Variants in PCDHA1 observed in about 807,000 individuals in gnomAD.
The protein encoded by PCDHA1 is protocadherin alpha-1.
A neutral mutation model predicts 61.3 loss-of-function variants in PCDHA1; 42 were observed. That is an observed-to-expected ratio of 0.69 (90% CI 0.54 to 0.89). The LOEUF (loss-of-function observed/expected upper bound fraction) is 0.89, where lower values mean the gene tolerates loss of function less well. Ranked by LOEUF, PCDHA1 falls within the 40% of genes least tolerant of loss-of-function variation. The probability of loss-of-function intolerance (pLI) is 0.00; values close to 1 mark genes in which losing one functional copy is unlikely to be tolerated. For synonymous variants in PCDHA1, 610 were observed against 553.8 expected (o/e 1.10, Z -1.43); for missense variants, 1,256 against 1,235.3 (o/e 1.02, Z -0.25).
At chr5:140,968,639 GC>G in intron 1 of PCDHA1, 1 of 1,614,150 alleles carries the variant, frequency 6.2e-7, no homozygotes, top group Non-Finnish European at 8.5e-7. Context: ...TTACCATCTA[GC>G]CCAGACTTCT....
intron 1 of PCDHA1, chr5:140,861,513 T>C: frequency 2.1e-6 from 1 of 470,750 alleles, no homozygotes; most frequent in East Asian, 6.2e-5. Flanking sequence ...CGAGGAGCTG[T>C]GTGGGAGGAT....
At chr5:140,905,292 G>T (rs1394409672) in intron 1 of PCDHA1, among the ~76,000 whole-genome samples, 1 of 152,114 alleles carries the variant, frequency 6.6e-6, no homozygotes, top group African/African-American at 2.4e-5. Flanking sequence ...CTTGAATAAG[G>T]TGTCCTTTCC....
chr5:140,892,779 A>G (rs1490865049), intron 1 of PCDHA1, among the ~76,000 whole-genome samples: 1 of 152,192 alleles, frequency 6.6e-6, no homozygotes, highest in Non-Finnish European at 1.5e-5. Flanking sequence ...TAGCTTCTTG[A>G]AAATATGTAA....
chr5:140,892,580 A>G (rs1462175198), intron 1 of PCDHA1, among the ~76,000 whole-genome samples: 1 of 152,198 alleles, frequency 6.6e-6, no homozygotes, highest in African/African-American at 2.4e-5. Context: ...AGTATATCTC[A>G]GTATTCATTC....
intron 1 of PCDHA1, among the ~76,000 whole-genome samples, chr5:140,840,430 A>T (rs1776694200): frequency 6.6e-6 from 1 of 151,990 alleles, no homozygotes; most frequent in Admixed American, 6.6e-5. Flanking sequence ...GCTAGTTTAA[A>T]GCCGTGGAAA....
In PCDHA1 at chr5:141,009,668, G is replaced by A. The variant is rs782068657; in HGVS notation, c.2584G>A (p.Val862Ile). The change falls in exon 4 of 4, where the codon GTC becomes ATC. Residue 862 changes from valine (V) to isoleucine (I), a missense_variant. Transcript: ENST00000504120. ...AGTGTCCCCTCCAGTCGGTGCGGGTGTCAACAGCAACAGCTGGACCTTTAA... is the reference window on the plus strand; with the variant it reads ...AGTGTCCCCTCCAGTCGGTGCGGGTATCAACAGCAACAGCTGGACCTTTAA... ...GEVSPPVGAG[V>I]NSNSWTFKYG... The A allele has an allele frequency of 1.2e-6, 2 of 1,614,108 alleles. No individual in the cohort carries two copies. Among genetic ancestry groups the A allele is most frequent in the Non-Finnish European group, 1.7e-6 (2 of 1,180,018 alleles).
chr5:140,871,755 T>C (rs2053292269), intron 1 of PCDHA1, among the ~76,000 whole-genome samples: 1 of 152,248 alleles, frequency 6.6e-6, no homozygotes. Context: ...AGAAATGAGA[T>C]GCAAGAGTGA....
intron 1 of PCDHA1, chr5:140,807,173 T>C (rs782419612): frequency 7.5e-6 from 12 of 1,609,318 alleles, no homozygotes; most frequent in Non-Finnish European, 1.0e-5. Context: ...CAGAACAAAA[T>C]ACTGTGCACT....
At chr5:140,890,707 T>A (rs1217575075) in intron 1 of PCDHA1, among the ~76,000 whole-genome samples, 1 of 152,206 alleles carries the variant, frequency 6.6e-6, no homozygotes, top group African/African-American at 2.4e-5. Context: ...CTTACATTTT[T>A]AAAATCTTTT....
chr5:140,870,319 T>C (rs782623881), intron 1 of PCDHA1: 3 of 1,614,162 alleles, frequency 1.9e-6, no homozygotes, highest in Non-Finnish European at 2.5e-6. Context: ...TTACTACTCG[T>C]TGGTGCTGGA....
intron 1 of PCDHA1, among the ~76,000 whole-genome samples, chr5:140,914,475 T>A (rs1473439533): frequency 6.6e-6 from 1 of 152,204 alleles, no homozygotes; most frequent in Non-Finnish European, 1.5e-5. Context: ...TCTTCATAGG[T>A]GAAGTGTTTC....
intron 1 of PCDHA1, among the ~76,000 whole-genome samples, chr5:140,912,634 G>A (rs1435924500): frequency 6.6e-6 from 1 of 152,016 alleles, no homozygotes; most frequent in African/African-American, 2.4e-5. Context: ...GAGACTTTCA[G>A]TACTATGTTG....
chr5:140,862,131 G>C (rs375206364), intron 1 of PCDHA1: 1 of 162,230 alleles, frequency 6.2e-6, no homozygotes, highest in Non-Finnish European at 1.4e-5. Context: ...TGTAAAGATA[G>C]GTTTTGAGGA....
At chr5:140,869,615 G>T in intron 1 of PCDHA1, 2 of 1,613,858 alleles carry the variant, frequency 1.2e-6, no homozygotes, top group Non-Finnish European at 1.7e-6. Flanking sequence ...TTGACCTACA[G>T]GCTAAGTAAA....
intron 1 of PCDHA1, chr5:140,852,486 C>A: frequency 4.8e-6 from 1 of 209,724 alleles, no homozygotes; most frequent in Non-Finnish European, 9.1e-6. Flanking sequence ...TCATGTTGGC[C>A]AGGTTGGTCT....
At position 140,909,620 on chromosome 5, in the gene PCDHA1, A is replaced by G. The variant is rs576090849; in HGVS notation, c.2395-69329A>G. On this transcript the variant is annotated intron_variant, in intron 1 of 3. Transcript: ENST00000504120. Reference sequence around the variant, plus strand: ...ATTTTTCTAGGTAGAGGCAGCTCTAATTGGTCTTCCTATTTTGTCTTTTCC... The same window carrying G: ...ATTTTTCTAGGTAGAGGCAGCTCTAGTTGGTCTTCCTATTTTGTCTTTTCC... Among the ~76,000 whole-genome samples the G allele has an allele frequency of 3.8e-4, 58 of 152,240 alleles. 2 individuals carry two copies. The Middle Eastern group carries it at 0.01, about 27-fold the overall frequency.
intron 2 of PCDHA1, among the ~76,000 whole-genome samples, chr5:140,981,928 T>A (rs141616160): frequency 6.6e-6 from 1 of 152,202 alleles, no homozygotes; most frequent in African/African-American, 2.4e-5. Context: ...GTTTCTCTAG[T>A]CTCAGGAAAT....
At position 140,987,445 on chromosome 5, in the gene PCDHA1, G is replaced by A. The variant is rs141923390; in HGVS notation, c.2542+4882G>A. Among the ~76,000 whole-genome samples, 799 of 152,220 alleles carry A rather than the reference G, an allele frequency of 5.2e-3. 4 individuals carry two copies. The highest frequency in any genetic ancestry group is 0.018 in the African/African-American group (765 of 41,528). On this transcript the variant is annotated intron_variant, in intron 3 of 3. Transcript: ENST00000504120. ...AAGCAGGGGGCCTTTCCCCATGCCC[G>A]AGAGATAATTGTTAAGAGCTCAAGC...
In PCDHA1 at chr5:140,990,870, T is replaced by G. The variant is rs550033552; in HGVS notation, c.2542+8307T>G. Among the ~76,000 whole-genome samples, 16 of 152,274 alleles carry G rather than the reference T, an allele frequency of 1.1e-4. No individual in the cohort carries two copies. The South Asian group carries it at 3.3e-3, about 32-fold the overall frequency. On this transcript the variant is annotated intron_variant, in intron 3 of 3. Coordinates refer to ENST00000504120, the MANE Select transcript of PCDHA1 (RefSeq NM_018900.4). ...AGCCCTGAGGACATTGTATTTTAAG[T>G]GTATGTTCCAGTGAGTGGGTCGTTG...
Sources: gnomAD v4.1 joint callset for allele counts (sites outside exome capture counted in the v4.1 genomes callset) on GRCh38, gnomAD v4.1.1 for gene constraint, MANE v1.5 for transcripts, NCBI Gene and HGNC (gene_info 2026-07-23, HGNC 2026-07-21) for gene names.